RMDN2: variants seen among roughly 807,000 people sequenced by gnomAD.
RMDN2 encodes regulator of microtubule dynamics protein 2.
In RMDN2, 61 loss-of-function variants were observed where a neutral mutation model predicts 52.8. That is an observed-to-expected ratio of 1.16 (90% CI 0.94 to 1.43). The LOEUF (loss-of-function observed/expected upper bound fraction) is 1.43. Ranked by LOEUF, RMDN2 falls within the 40% of genes most tolerant of loss-of-function variation. The probability of loss-of-function intolerance (pLI) is 0.00; values close to 1 mark genes in which losing one functional copy is unlikely to be tolerated. For missense variants in RMDN2, 592 were observed against 475.3 expected (o/e 1.25, Z -2.28); for synonymous variants, 180 against 153.1 (o/e 1.18, Z -1.30).
chr2:38,009,441 T>C (rs1480687731), intron 10 of RMDN2, among the ~76,000 whole-genome samples: 1 of 152,232 alleles, frequency 6.6e-6, no homozygotes, highest in African/African-American at 2.4e-5. Flanking sequence ...ACTTCTCCTC[T>C]CGCTTCATTT....
At chr2:38,040,845 C>G (rs1680904908) in intron 10 of RMDN2, among the ~76,000 whole-genome samples, 1 of 152,146 alleles carries the variant, frequency 6.6e-6, no homozygotes, top group African/African-American at 2.4e-5. Context: ...GTCTTTTAAT[C>G]CATGAACATG....
rs1306774545 is a variant in RMDN2, at chr2:38,003,604, G to GATAGGCAGACAGA, written c.1045-387_1045-386insATAGGCAGACAGA. On this transcript the variant is annotated intron_variant, in intron 8 of 10. Coordinates refer to ENST00000354545, the MANE Select transcript of RMDN2 (RefSeq NM_001170791.3). The stretch of plus-strand genomic sequence containing the variant: ...GATAGATAGATAGATAGATAGATAG[G>GATAGGCAGACAGA]CAGACAGACAGACAGACAGACAAAT... 9.2e-3 allele frequency among the ~76,000 whole-genome samples: 948 copies of GATAGGCAGACAGA among 102,974 alleles called. 8 individuals carry two copies. Among genetic ancestry groups the GATAGGCAGACAGA allele is most frequent in the Non-Finnish European group, 0.014 (655 of 45,758 alleles). 67.6% of individuals were successfully genotyped at this position (102,974 alleles called of 152,430 possible).
intron 10 of RMDN2, among the ~76,000 whole-genome samples, chr2:38,065,062 T>C (rs1162498912): frequency 6.6e-6 from 1 of 152,198 alleles, no homozygotes; most frequent in Non-Finnish European, 1.5e-5. Context: ...CGCTGCATCA[T>C]TTAGGGGCTC....
intron 10 of RMDN2, among the ~76,000 whole-genome samples, chr2:38,025,856 A>T (rs138651871): frequency 7.4e-4 from 113 of 152,186 alleles, no homozygotes; most frequent in African/African-American, 2.7e-3. Flanking sequence ...GGGTTTACTA[A>T]AATTTTATTT....
intron 10 of RMDN2, among the ~76,000 whole-genome samples, chr2:38,014,055 A>C (rs114491871): frequency 0.013 from 1,935 of 152,102 alleles, 46 homozygotes; most frequent in African/African-American, 0.043. Context: ...AAAAAAAAAA[A>C]CACAAAATTA....
rs149066653 is a variant in RMDN2, at chr2:38,052,678, C to G, written c.1714-14304C>G. ...ATGATTCTCTATAGTCATGTATGAA[C>G]TTGGCTAAGGATGCTTATCCTCAGA... On this transcript the variant is annotated intron_variant, in intron 10 of 10. Coordinates refer to the RMDN2 transcript ENST00000234195. Among the ~76,000 whole-genome samples, 129 of 152,264 alleles carry G rather than the reference C, an allele frequency of 8.5e-4. 1 individual carries two copies. The highest frequency in any genetic ancestry group is 2.5e-3 in the Admixed American group (39 of 15,306).
chr2:38,029,595 G>C (rs1479379344), intron 10 of RMDN2: 1 of 149,442 alleles, frequency 6.7e-6, no homozygotes. Context: ...AACATTTCAC[G>C]TGTTCCTAAG....
chr2:37,951,335 A>G, intron 2 of RMDN2: 3 of 1,613,024 alleles, frequency 1.9e-6, no homozygotes, highest in Middle Eastern at 1.7e-4. Flanking sequence ...AACCAAGTAT[A>G]TCTCTTGGTC....
chr2:37,923,108 G>A (rs1382955465), upstream of RMDN2: 1 of 152,150 alleles, frequency 6.6e-6, no homozygotes, highest in East Asian at 1.9e-4. Context: ...TCCTAGTAGT[G>A]GGGAGGGGAA....
upstream of RMDN2, among the ~76,000 whole-genome samples, chr2:37,924,744 G>A (rs544581698): frequency 6.6e-6 from 1 of 152,292 alleles, no homozygotes; most frequent in East Asian, 1.9e-4. Flanking sequence ...TTAAATGTCA[G>A]GCATCTGAAA....
At position 37,929,601 on chromosome 2, in the gene RMDN2, A is replaced by C; in HGVS notation, c.324A>C (p.Gln108His). ...EAIPKLEEYI[Q>H]DELGGKITVH... ...TTCCAAAGCTGGAGGAATATATACA[A>C]GATGAACTTGGAGGGAAAATAACTG... The change falls in exon 2 of 11, where the codon CAA (glutamine) becomes CAC (histidine). Residue 108 changes from glutamine to histidine, a missense_variant. Transcript: ENST00000354545. 1 of 1,551,738 alleles carries C rather than the reference A, an allele frequency of 6.4e-7. No individual in the cohort carries two copies. The highest frequency in any genetic ancestry group is 8.7e-7 in the Non-Finnish European group (1 of 1,146,848).
rs948961593 is a variant in RMDN2, at chr2:37,929,449, A to C, written c.172A>C (p.Ile58Leu). 5 of 1,551,746 alleles carry C rather than the reference A, an allele frequency of 3.2e-6. No homozygotes were observed. The highest frequency in any genetic ancestry group is 2.0e-5 in the Admixed American group (1 of 51,010). ...TAATTCAATAACTTTGCAAGATGAA[A>C]TACATGATGACCAAGGAACAACAGT... ...TFNSITLQDEIHDDQGTTVIF... is the reference protein window; with the variant it reads ...TFNSITLQDELHDDQGTTVIF... The change falls in exon 2 of 11, where the codon ATA (isoleucine) becomes CTA (leucine). Residue 58 changes from isoleucine to leucine, a missense_variant. Ile to Leu is a conservative substitution (Grantham distance 5). Coordinates refer to ENST00000354545, the MANE Select transcript of RMDN2 (RefSeq NM_001170791.3).
At chr2:38,007,065 A>G (rs1202817614) in intron 10 of RMDN2, among the ~76,000 whole-genome samples, 1 of 152,148 alleles carries the variant, frequency 6.6e-6, no homozygotes, top group African/African-American at 2.4e-5. Context: ...CCACTTGATG[A>G]TGGTGGATAA....
chr2:37,929,815 C>T (rs1433494016), intron 2 of RMDN2, 86 bp downstream of exon 2: 2 of 846,830 alleles, frequency 2.4e-6, no homozygotes, highest in African/African-American at 1.7e-5. Context: ...GGGTTCCAGT[C>T]ATATATCCTG....
chr2:38,006,944 C>G (rs547486675), intron 10 of RMDN2, among the ~76,000 whole-genome samples: 2 of 152,298 alleles, frequency 1.3e-5, no homozygotes, highest in African/African-American at 4.8e-5. Context: ...AAGGCCTTTT[C>G]TGCATCTATT....
chr2:37,969,055 A>G (rs894121970), intron 2 of RMDN2, among the ~76,000 whole-genome samples: 3 of 150,654 alleles, frequency 2.0e-5, no homozygotes, highest in Non-Finnish European at 4.4e-5. Flanking sequence ...TTTTTTTTCA[A>G]TGTGGGAAAT....
intron 7 of RMDN2, among the ~76,000 whole-genome samples, chr2:37,992,323 G>A (rs1031373893): frequency 1.3e-5 from 2 of 152,272 alleles, no homozygotes; most frequent in East Asian, 1.9e-4. Flanking sequence ...AAGGAGTAAA[G>A]GTATATCATC....
At chr2:37,974,629 C>A (rs969661898) in intron 3 of RMDN2, 2 of 123,816 alleles carry the variant, frequency 1.6e-5, no homozygotes, top group East Asian at 2.9e-4. Context: ...AGAGCTCTTA[C>A]CACCACCACT....
chr2:37,951,981 T>C, intron 2 of RMDN2: 1 of 1,613,504 alleles, frequency 6.2e-7, no homozygotes, highest in Non-Finnish European at 8.5e-7. Flanking sequence ...TCCTGAAAGT[T>C]ACAGCACAGA....
Sources: gnomAD v4.1 joint callset for allele counts (sites outside exome capture counted in the v4.1 genomes callset) on GRCh38, gnomAD v4.1.1 for gene constraint, MANE v1.5 for transcripts, NCBI Gene and HGNC (gene_info 2026-07-23, HGNC 2026-07-21) for gene names.